Variants in TRIP6 observed in about 807,000 individuals in gnomAD.
TRIP6 encodes thyroid hormone receptor interactor 6, also known as thyroid receptor-interacting protein 6.
A neutral mutation model predicts 51.9 loss-of-function variants in TRIP6; 33 were observed. That is an observed-to-expected ratio of 0.64 (90% confidence interval 0.48 to 0.85). The LOEUF (loss-of-function observed/expected upper bound fraction) is 0.85, where lower values mean the gene tolerates loss of function less well. Among genes scored for constraint, TRIP6 ranks in the 40% least tolerant of loss-of-function variants. The pLI, the probability that TRIP6 is intolerant of heterozygous loss-of-function variation, is 0.00. For missense variants in TRIP6, 661 were observed against 652.1 expected (o/e 1.01, Z -0.15); for synonymous variants, 255 against 275.8 (o/e 0.92, Z 0.75).
Position 100,867,486 on chromosome 7 carries a change from C to G in TRIP6, c.-12C>G. On this transcript the variant is annotated 5_prime_UTR_variant, in exon 1 of 9. Coordinates refer to ENST00000200457, the MANE Select transcript of TRIP6 (RefSeq NM_003302.3). The surrounding 1 kb of genome is among the most constrained non-coding windows in gnomAD (Gnocchi z 5.4). ...CTTCAAGACCGCTGTCTGGAGTCCC[C>G]CTTTCCAGGCCATGTCGGGGCCCAC... is the stretch of plus-strand genomic sequence containing the variant. 6.9e-7 allele frequency: 1 copy of G among 1,459,604 alleles called. No homozygotes were observed. Among genetic ancestry groups the G allele is most frequent in the Non-Finnish European group, 9.0e-7 (1 of 1,105,684 alleles). The allele number at this position is 1,459,604 out of a possible 1,614,324, so 90.4% of individuals were successfully genotyped here.
rs1322720351 is a variant in TRIP6 at position 100,868,765 on chromosome 7, G to A, written c.634G>A (p.Gly212Ser). 6.5e-7 allele frequency: 1 copy of A among 1,539,702 alleles called. No individual in the cohort carries two copies. Among genetic ancestry groups the A allele is most frequent in the Non-Finnish European group, 8.7e-7 (1 of 1,147,664 alleles). Residue 212 changes from glycine (G) to serine (S), a missense_variant, in exon 4 of 9, where the codon GGC becomes AGC. Gly to Ser is a moderately conservative substitution (Grantham distance 56). Transcript: ENST00000200457. ...AGGCCGAGGTGAAGTCTGGGGGCCT[G>A]GCTATAGGAGCCAGAGAGAGCCAGG... Reference protein sequence around the residue: ...LPGRGEVWGPGYRSQREPGPG... With the variant: ...LPGRGEVWGPSYRSQREPGPG...
At position 100,867,623 on chromosome 7, in the gene TRIP6, G is replaced by A. The variant is rs1190236285; in HGVS notation, c.109+17G>A. 9 of 1,544,956 alleles carry A rather than the reference G, an allele frequency of 5.8e-6. No individual in the cohort carries two copies. In the African/African-American group the frequency reaches 1.2e-4, roughly 21 times the overall value. ...ACGGAGCAGGTAAGGCAGCCCTTGT[G>A]AGACAGAAGAGCCACCCAGCTGTGG... On this transcript the variant is annotated intron_variant, in intron 1 of 8. Transcript: ENST00000200457. The surrounding 1 kb of genome is among the most constrained non-coding windows in gnomAD (Gnocchi z 5.4).
At chr7:100,872,989 T>A (rs1035066975) in intron 8 of TRIP6, among the ~76,000 whole-genome samples, 183 bp from the exon 9 acceptor site, 1 of 152,106 alleles carries the variant, frequency 6.6e-6, no homozygotes, top group African/African-American at 2.4e-5. Context: ...TAGCTGGGAT[T>A]ACAGGTGCTG....
At chr7:100,872,235 G>A (rs915468853) in intron 7 of TRIP6, among the ~76,000 whole-genome samples, 3 of 117,634 alleles carry the variant, frequency 2.6e-5, no homozygotes, top group African/African-American at 3.2e-5. Context: ...CTTTCATCAT[G>A]TTGGCCAGGC....
rs1002637443 is a variant in TRIP6, at chr7:100,867,786, A to T, written c.110-75A>T. ...TGGGGGAGGAGGTAACGAGAGGCGG[A>T]GAGGGTGGCTCCTCAAATATACACC... On this transcript the variant is annotated intron_variant, in intron 1 of 8. Transcript: ENST00000200457. The surrounding 1 kb of genome is among the most constrained non-coding windows in gnomAD (Gnocchi z 5.4). 6.6e-7 allele frequency: 1 copy of T among 1,515,332 alleles called. No homozygotes were observed. The highest frequency in any genetic ancestry group is 1.4e-5 in the African/African-American group (1 of 70,526). The allele number at this position is 1,515,332 out of a possible 1,614,324, so 93.9% of individuals were successfully genotyped here.
rs553597845 is a variant in TRIP6, at chr7:100,869,669, G to C, written c.736-701G>C. 1.5e-4 allele frequency among the ~76,000 whole-genome samples: 23 copies of C among 149,758 alleles called. No homozygotes were observed. The East Asian group carries it at 4.5e-3, about 30-fold the overall frequency. ...AAAAAAAAAAAAAGAACTGCCTACGGGCCCCTGGGCTGAGATGTTCTCAGA... is the reference window on the plus strand; with the variant it reads ...AAAAAAAAAAAAAGAACTGCCTACGCGCCCCTGGGCTGAGATGTTCTCAGA... On this transcript the variant is annotated intron_variant, in intron 4 of 8. Coordinates refer to ENST00000200457, the MANE Select transcript of TRIP6 (RefSeq NM_003302.3).
rs775095532 is a variant in TRIP6, at chr7:100,867,646, T to C, written c.109+40T>C. The C allele has an allele frequency of 1.3e-5, 20 of 1,556,764 alleles. No individual in the cohort carries two copies. Among genetic ancestry groups the C allele is most frequent in the South Asian group, 1.1e-5 (1 of 87,508 alleles). On this transcript the variant is annotated intron_variant, in intron 1 of 8. Transcript: ENST00000200457. The surrounding 1 kb of genome is among the most constrained non-coding windows in gnomAD (Gnocchi z 5.4). Reference sequence around the variant, plus strand: ...GTGAGACAGAAGAGCCACCCAGCTGTGGCGCTCACCTCTGTCCTACCGCTC... The same window carrying C: ...GTGAGACAGAAGAGCCACCCAGCTGCGGCGCTCACCTCTGTCCTACCGCTC...
In TRIP6 at chr7:100,867,867, A is replaced by C; in HGVS notation, c.116A>C (p.Gln39Pro). Reference protein sequence around the residue: ...GPPPAHGAALQPHPRVNFCPL... With the variant: ...GPPPAHGAALPPHPRVNFCPL... The stretch of plus-strand genomic sequence containing the variant: ...TTCTCTTCCCTCAACCCAGCACTCC[A>C]GCCCCACCCCAGGGTCAATTTTTGC... The change falls in exon 2 of 9, where the codon CAG (glutamine) becomes CCG (proline). Residue 39 changes from glutamine to proline, a missense_variant. By Grantham distance (76) the Gln-to-Pro change is moderately conservative. Coordinates refer to ENST00000200457, the MANE Select transcript of TRIP6 (RefSeq NM_003302.3). The surrounding 1 kb of genome is among the most constrained non-coding windows in gnomAD (Gnocchi z 5.4). 6.5e-7 allele frequency: 1 copy of C among 1,536,332 alleles called. No homozygotes were observed. The highest frequency in any genetic ancestry group is 2.2e-5 in the Admixed American group (1 of 44,764).
In TRIP6 at chr7:100,870,473, G is replaced by A. The variant is rs1815244963; in HGVS notation, c.829+10G>A. The stretch of plus-strand genomic sequence containing the variant: ...AGCGGGGAGTACTTTGGTGAGCTGA[G>A]GCTGTGGGGTGGGTGGGACGTGGGA... On this transcript the variant is annotated intron_variant, in intron 5 of 8. Coordinates refer to ENST00000200457, the MANE Select transcript of TRIP6 (RefSeq NM_003302.3). The A allele has an allele frequency of 6.2e-7, 1 of 1,611,872 alleles. No homozygotes were observed.
At chr7:100,869,942 T>TA (rs1442970113) in intron 4 of TRIP6, among the ~76,000 whole-genome samples, 1 of 151,912 alleles carries the variant, frequency 6.6e-6, no homozygotes, top group Non-Finnish European at 1.5e-5. Context: ...TATTACAATG[T>TA]ATATTACAAT....
rs964229280 is a variant in TRIP6 at position 100,868,144 on chromosome 7, A to G, written c.274A>G (p.Ser92Gly). 6.2e-7 allele frequency: 1 copy of G among 1,612,420 alleles called. No homozygotes were observed. Among genetic ancestry groups the G allele is most frequent in the African/African-American group, 1.3e-5 (1 of 74,964 alleles). ...PADRGGLRPG[S>G]LDAEIDLLSS... ...AGACAGGGGGGGCCTTCGCCCTGGA[A>G]GCCTGGACGCCGAGATAGACTTGCT... The change falls in exon 3 of 9, where the codon AGC (serine) becomes GGC (glycine). Residue 92 changes from serine (S) to glycine (G), a missense_variant. Ser to Gly is a moderately conservative substitution (Grantham distance 56, BLOSUM62 0). Coordinates refer to ENST00000200457, the MANE Select transcript of TRIP6 (RefSeq NM_003302.3).
At chr7:100,869,240 G>T (rs1374536029) in intron 4 of TRIP6, among the ~76,000 whole-genome samples, 1 of 151,708 alleles carries the variant, frequency 6.6e-6, no homozygotes, top group Non-Finnish European at 1.5e-5. Flanking sequence ...TTGCAGGCCT[G>T]AGCCACCGCG....
At position 100,867,833 on chromosome 7, in the gene TRIP6, A is replaced by C; in HGVS notation, c.110-28A>C. 1 of 1,533,230 alleles carries C rather than the reference A, an allele frequency of 6.5e-7. No individual in the cohort carries two copies. The highest frequency in any genetic ancestry group is 8.7e-7 in the Non-Finnish European group (1 of 1,148,876). 95.0% of individuals were successfully genotyped at this position (1,533,230 alleles called of 1,614,324 possible). ...CACCCCTCCTGTCCTCCGCCACCCC[A>C]CCTTTGATTTCTCTTCCCTCAACCC... is the stretch of plus-strand genomic sequence containing the variant. On this transcript the variant is annotated intron_variant, in intron 1 of 8. Transcript: ENST00000200457. This position sits in a 1 kb window ranked among gnomAD's most constrained non-coding sequence, Gnocchi z 5.4.
rs1265601489 is a variant in TRIP6 at position 100,867,780 on chromosome 7, A to G, written c.110-81A>G. On this transcript the variant is annotated intron_variant, in intron 1 of 8. Transcript: ENST00000200457. The surrounding 1 kb of genome is among the most constrained non-coding windows in gnomAD (Gnocchi z 5.4). ...TAGATTTGGGGGAGGAGGTAACGAGAGGCGGAGAGGGTGGCTCCTCAAATA... is the reference window on the plus strand; with the variant it reads ...TAGATTTGGGGGAGGAGGTAACGAGGGGCGGAGAGGGTGGCTCCTCAAATA... 2 of 1,513,612 alleles carry G rather than the reference A, an allele frequency of 1.3e-6. No homozygotes were observed. The highest frequency in any genetic ancestry group is 1.8e-6 in the Non-Finnish European group (2 of 1,135,174). 93.8% of individuals were successfully genotyped at this position (1,513,612 alleles called of 1,614,324 possible). A position where few individuals can be genotyped will look rare whatever the true frequency, so the allele number is the denominator to read the frequency against.
chr7:100,870,903 C>G, intron 6 of TRIP6, 160 bp downstream of exon 6: 2 of 1,004,442 alleles, frequency 2.0e-6, no homozygotes, highest in Non-Finnish European at 2.9e-6. Flanking sequence ...AAGTATCAAG[C>G]AAGTAGCTTA....
chr7:100,870,652 G>T lies in TRIP6; in HGVS notation c.908G>T (p.Gly303Val). The T allele has an allele frequency of 1.9e-6, 3 of 1,614,132 alleles. No individual in the cohort carries two copies. The highest frequency in any genetic ancestry group is 2.5e-6 in the Non-Finnish European group (3 of 1,179,974). Residue 303 changes from glycine (G) to valine (V), a missense_variant, in exon 6 of 9, where the codon GGC becomes GTC. Gly to Val is a moderately radical substitution (Grantham distance 109). Coordinates refer to ENST00000200457, the MANE Select transcript of TRIP6 (RefSeq NM_003302.3). ...VVALDRVFHV[G>V]CFVCSTCRAQ... ...GCCCTTGATCGCGTCTTTCACGTGG[G>T]CTGCTTTGTATGTTCTACATGCCGG...
rs960644142 is a variant in TRIP6, at chr7:100,869,903, T to A, written c.736-467T>A. 2.0e-5 allele frequency among the ~76,000 whole-genome samples: 3 copies of A among 151,450 alleles called. No homozygotes were observed. The South Asian group carries it at 6.2e-4, about 31-fold the overall frequency. On this transcript the variant is annotated intron_variant, in intron 4 of 8. Coordinates refer to ENST00000200457, the MANE Select transcript of TRIP6 (RefSeq NM_003302.3). ...TATTTCTGTTATAATAATAATAGAA[T>A]ATATAGTATATATAATTGTTTCGGT...
chr7:100,870,500 G>C lies in TRIP6; in HGVS notation c.829+37G>C, dbSNP rs370456355. ...CTGTGGGGTGGGTGGGACGTGGGAA[G>C]GGAGGCTGGGAGACAGAGGGGACAG... On this transcript the variant is annotated intron_variant, in intron 5 of 8. Coordinates refer to ENST00000200457, the MANE Select transcript of TRIP6 (RefSeq NM_003302.3). 2.5e-6 allele frequency: 4 copies of C among 1,606,600 alleles called. No homozygotes were observed. In the African/African-American group the frequency reaches 5.3e-5, roughly 21 times the overall value.
intron 4 of TRIP6, among the ~76,000 whole-genome samples, chr7:100,869,295 C>T (rs952091536): frequency 2.0e-5 from 3 of 150,940 alleles, no homozygotes; most frequent in Admixed American, 6.6e-5. Context: ...AGGTCTGGGA[C>T]GTGGAATAGG....
Sources: gnomAD v4.1 joint callset for allele counts (sites outside exome capture counted in the v4.1 genomes callset) on GRCh38, gnomAD v4.1.1 for gene constraint, Gnocchi (gnomAD v3.1) non-coding constraint, MANE v1.5 for transcripts, NCBI Gene and HGNC (gene_info 2026-07-23, HGNC 2026-07-21) for gene names.